ATP9B: variants seen among roughly 807,000 people sequenced by gnomAD.
ATP9B encodes ATPase phospholipid transporting 9B, also known as probable phospholipid-transporting ATPase IIB.
Under a neutral mutation model 146.1 loss-of-function variants are expected in ATP9B, and 110 were observed. The ratio of observed to expected loss-of-function variants is 0.75; its 90% CI spans 0.65 to 0.88. The LOEUF is 0.88. Among genes scored for constraint, ATP9B ranks in the 40% least tolerant of loss-of-function variants. The pLI is 0.00. For missense variants in ATP9B, 1,499 were observed against 1,496.4 expected (o/e 1.00, Z -0.03); for synonymous variants, 604 against 569.7 (o/e 1.06, Z -0.86).
At chr18:79,291,131 A>G (rs2096498479) in intron 13 of ATP9B, among the ~76,000 whole-genome samples, 1 of 151,978 alleles carries the variant, frequency 6.6e-6, no homozygotes, top group South Asian at 2.1e-4. Flanking sequence ...TTTGTTCATT[A>G]TAGTCCCAAA....
chr18:79,175,380 A>C (rs2095148116), intron 7 of ATP9B, among the ~76,000 whole-genome samples: 1 of 152,188 alleles, frequency 6.6e-6, no homozygotes, highest in South Asian at 2.1e-4. Context: ...TCTGGTTTTA[A>C]AGTGAACAGT....
At chr18:79,303,565 C>A (rs755159030) in intron 13 of ATP9B, 39 bp from the exon 14 acceptor site, 2 of 1,551,944 alleles carry the variant, frequency 1.3e-6, no homozygotes, top group South Asian at 1.1e-5. Context: ...CCGCAGGCCT[C>A]CTGCATTAAT....
rs377089212 is a variant in ATP9B, at chr18:79,206,191, C to T, written c.955-746C>T. 3.1e-4 allele frequency among the ~76,000 whole-genome samples: 47 copies of T among 152,256 alleles called. 2 individuals carry two copies. In the South Asian group the frequency reaches 7.5e-3, roughly 24 times the overall value. On this transcript the variant is annotated intron_variant, in intron 9 of 29. Coordinates refer to ENST00000426216, the MANE Select transcript of ATP9B (RefSeq NM_198531.5). ...TCCTGACCTCATGATCCACCCACCT[C>T]GGCCTCCCAAAGTGCTGGGATTACA...
chr18:79,302,864 T>G (rs1414788323), intron 13 of ATP9B, among the ~76,000 whole-genome samples: 1 of 152,362 alleles, frequency 6.6e-6, no homozygotes, highest in East Asian at 1.9e-4. Context: ...GAAATAGGTT[T>G]TTTTAAAAAA....
At chr18:79,085,358 T>G (rs1229694693) in intron 1 of ATP9B, 1 of 152,174 alleles carries the variant, frequency 6.6e-6, no homozygotes, top group Non-Finnish European at 1.5e-5. Context: ...ATCCAAACCA[T>G]AGCATATGGT....
chr18:79,083,961 C>T (rs932972647), intron 1 of ATP9B, among the ~76,000 whole-genome samples: 5 of 151,062 alleles, frequency 3.3e-5, no homozygotes, highest in South Asian at 4.2e-4. Context: ...TGGCTTCAAG[C>T]GACTCCCCTA....
At chr18:79,375,290 T>G in intron 28 of ATP9B, 104 bp from the exon 29 acceptor site, 1 of 1,073,808 alleles carries the variant, frequency 9.3e-7, no homozygotes, top group African/African-American at 1.6e-5. Context: ...CACTGCCATT[T>G]TATTGCTTTT....
chr18:79,128,284 T>C (rs191343297), intron 5 of ATP9B, among the ~76,000 whole-genome samples: 160 of 152,284 alleles, frequency 1.1e-3, no homozygotes, highest in African/African-American at 3.7e-3. Context: ...GGTCTTGAAC[T>C]CCTGACCTCG....
At chr18:79,103,273 T>G (rs1225044384) in intron 2 of ATP9B, among the ~76,000 whole-genome samples, 1 of 146,308 alleles carries the variant, frequency 6.8e-6, no homozygotes, top group Admixed American at 6.7e-5. Context: ...TGTAGTTTTT[T>G]TTTTTTTTTT....
intron 11 of ATP9B, among the ~76,000 whole-genome samples, chr18:79,248,472 T>C (rs1272963985): frequency 2.6e-5 from 4 of 152,244 alleles, no homozygotes; most frequent in African/African-American, 9.6e-5. Context: ...GAATTTCAGT[T>C]AGGTTAATGC....
chr18:79,183,745 G>A (rs1600242075), intron 8 of ATP9B, among the ~76,000 whole-genome samples: 1 of 145,504 alleles, frequency 6.9e-6, no homozygotes, highest in Non-Finnish European at 1.5e-5. Flanking sequence ...TACAAAATCT[G>A]ATTATCTACC....
At position 79,201,968 on chromosome 18, in the gene ATP9B, CTGGAGCCTGCCAGGTTGAGG is replaced by C. The variant is rs1433438244; in HGVS notation, c.955-4957_955-4938del. ...GTGGGAGGCGGATGTGGGAGGATTGCTGGAGCCTGCCAGGTTGAGGTGGAGCCTGCCCTGAGCTGTGATTG... is the reference window on the plus strand; with the variant it reads ...GTGGGAGGCGGATGTGGGAGGATTGCTGGAGCCTGCCCTGAGCTGTGATTG... On this transcript the variant is annotated intron_variant, in intron 9 of 29. Coordinates refer to ENST00000426216, the MANE Select transcript of ATP9B (RefSeq NM_198531.5). Among the ~76,000 whole-genome samples the C allele has an allele frequency of 2.0e-4, 31 of 152,218 alleles. No individual in the cohort carries two copies. The East Asian group carries it at 6.0e-3, about 29-fold the overall frequency.
chr18:79,164,225 CT>C (rs2094929528), intron 7 of ATP9B, among the ~76,000 whole-genome samples: 1 of 152,126 alleles, frequency 6.6e-6, no homozygotes, highest in South Asian at 2.1e-4. Context: ...GTGCCCAGCC[CT>C]ATATTTTTTA....
At chr18:79,139,629 A>G (rs1442686157) in intron 5 of ATP9B, among the ~76,000 whole-genome samples, 1 of 152,242 alleles carries the variant, frequency 6.6e-6, no homozygotes, top group East Asian at 1.9e-4. Flanking sequence ...TAATCACATC[A>G]GGGTAAATGG....
At chr18:79,087,699 T>C (rs2073963745) in intron 1 of ATP9B, 1 of 152,220 alleles carries the variant, frequency 6.6e-6, no homozygotes, top group Admixed American at 6.5e-5. Context: ...AGCTAGTTAT[T>C]GTAATGATTT....
At chr18:79,269,515 C>T (rs1169497879) in intron 12 of ATP9B, among the ~76,000 whole-genome samples, 3 of 151,910 alleles carry the variant, frequency 2.0e-5, no homozygotes, top group Non-Finnish European at 4.4e-5. Flanking sequence ...TTTATGTATC[C>T]GTTTGTTTTA....
intron 7 of ATP9B, among the ~76,000 whole-genome samples, chr18:79,161,134 A>G (rs1262866429): frequency 6.6e-6 from 1 of 152,214 alleles, no homozygotes; most frequent in Non-Finnish European, 1.5e-5. Flanking sequence ...TTTTTAAGCC[A>G]TAGTAAGACA....
chr18:79,163,869 TACACACACACACACACACACACACAC>T (rs56408063), intron 7 of ATP9B, among the ~76,000 whole-genome samples: 2 of 142,784 alleles, frequency 1.4e-5, no homozygotes, highest in East Asian at 4.1e-4. Flanking sequence ...TTTTATTTTA[TACACACACACACACACACACACACAC>T]ACACACACAC....
At chr18:79,375,329 C>T (rs1469814305) in intron 28 of ATP9B, 65 bp from the exon 29 acceptor site, 50 of 1,396,752 alleles carry the variant, frequency 3.6e-5, no homozygotes, top group Non-Finnish European at 4.1e-5. Context: ...TTTGCTAACC[C>T]CTTGAAATAT....
Sources: gnomAD v4.1 joint callset for allele counts (sites outside exome capture counted in the v4.1 genomes callset) on GRCh38, gnomAD v4.1.1 for gene constraint, MANE v1.5 for transcripts, NCBI Gene and HGNC (gene_info 2026-07-23, HGNC 2026-07-21) for gene names.